Variants in PARD3B observed in about 807,000 individuals in gnomAD.
PARD3B encodes the protein partitioning defective 3 homolog B.
PARD3B carries 103 observed loss-of-function variants against 130.2 expected under a neutral mutation model. The ratio of observed to expected loss-of-function variants is 0.79; its 90% confidence interval spans 0.67 to 0.93. PARD3B has a LOEUF of 0.93. Ranked by LOEUF, PARD3B falls within the 40% of genes least tolerant of loss-of-function variation. The pLI, the probability that PARD3B is intolerant of heterozygous loss-of-function variation, is 0.00. For synonymous variants in PARD3B, 583 were observed against 553.2 expected (o/e 1.05, Z -0.76); for missense variants, 1,609 against 1,499.2 (o/e 1.07, Z -1.21).
chr2:204,745,931 A>T (rs1203509936), intron 2 of PARD3B, among the ~76,000 whole-genome samples: 1 of 151,856 alleles, frequency 6.6e-6, no homozygotes, highest in East Asian at 1.9e-4. Flanking sequence ...CCTTAATTTA[A>T]AAAAAGGGCG....
At chr2:205,503,975 T>G (rs911388566) in intron 21 of PARD3B, among the ~76,000 whole-genome samples, 13 of 152,190 alleles carry the variant, frequency 8.5e-5, no homozygotes, top group Non-Finnish European at 1.8e-4. Flanking sequence ...GCTCTCTGTT[T>G]GTCTGTTATT....
chr2:204,555,191 G>T (rs2125047979), intron 1 of PARD3B, among the ~76,000 whole-genome samples: 1 of 152,260 alleles, frequency 6.6e-6, no homozygotes, highest in East Asian at 1.9e-4. Context: ...GCTTGTGCCT[G>T]GTTTCCTGCA....
chr2:204,644,155 C>G (rs1022323052), intron 1 of PARD3B, among the ~76,000 whole-genome samples: 12 of 152,140 alleles, frequency 7.9e-5, no homozygotes, highest in African/African-American at 2.7e-4. Context: ...GCCCAGTGAC[C>G]TTTTCCACCC....
chr2:205,371,750 T>G (rs575123924), intron 18 of PARD3B, among the ~76,000 whole-genome samples: 1 of 152,318 alleles, frequency 6.6e-6, no homozygotes, highest in Admixed American at 6.5e-5. Context: ...TTCAACCGTT[T>G]GAAGTGTAGA....
rs1335120059 is a variant in PARD3B, at chr2:205,572,039, T to C, written c.3260+18636T>C. Among the ~76,000 whole-genome samples, 1 of 152,170 alleles carries C rather than the reference T, an allele frequency of 6.6e-6. No individual in the cohort carries two copies. The highest frequency in any genetic ancestry group is 2.4e-5 in the African/African-American group (1 of 41,454). ...GCAGTCGAGCTGTGGAGTTATTTTGTTTATTGTTCTGAAGTTCTATGAGCA... is the reference window on the plus strand; with the variant it reads ...GCAGTCGAGCTGTGGAGTTATTTTGCTTATTGTTCTGAAGTTCTATGAGCA... On this transcript the variant is annotated intron_variant, in intron 22 of 22. Coordinates refer to ENST00000406610, the MANE Select transcript of PARD3B (RefSeq NM_001302769.2). The surrounding 1 kb of genome is among the most constrained non-coding windows in gnomAD (Gnocchi z 4.2).
intron 3 of PARD3B, among the ~76,000 whole-genome samples, chr2:205,044,045 G>A (rs1168939864): frequency 6.6e-6 from 1 of 150,540 alleles, no homozygotes; most frequent in East Asian, 2.0e-4. Context: ...CTATGAGTGA[G>A]AATATGCAGT....
At chr2:205,155,137 A>C (rs536212845) in intron 10 of PARD3B, among the ~76,000 whole-genome samples, 1 of 152,160 alleles carries the variant, frequency 6.6e-6, no homozygotes, top group African/African-American at 2.4e-5. Flanking sequence ...TAGTTCTTGA[A>C]TTTTGTTTGT....
intron 1 of PARD3B, among the ~76,000 whole-genome samples, chr2:204,551,412 G>T (rs2030449214): frequency 6.6e-6 from 1 of 152,138 alleles, no homozygotes; most frequent in Admixed American, 6.5e-5. Context: ...CTAACAGTGA[G>T]GATAAGTTAT....
chr2:204,995,369 G>A (rs1300450228), intron 3 of PARD3B, among the ~76,000 whole-genome samples: 3 of 146,462 alleles, frequency 2.0e-5, no homozygotes, highest in African/African-American at 7.6e-5. Flanking sequence ...TGAAATTCTG[G>A]GTTGAAAATT....
At chr2:205,235,691 A>G (rs901179944) in intron 15 of PARD3B, among the ~76,000 whole-genome samples, 1 of 152,246 alleles carries the variant, frequency 6.6e-6, no homozygotes, top group African/African-American at 2.4e-5. Context: ...ACAAGATTTC[A>G]TCACACTACT....
intron 22 of PARD3B, among the ~76,000 whole-genome samples, chr2:205,598,727 T>C (rs1421474467): frequency 6.6e-6 from 1 of 152,072 alleles, no homozygotes; most frequent in Non-Finnish European, 1.5e-5. Flanking sequence ...ATAAAGCAAA[T>C]CTGAATACAT....
chr2:204,647,252 G>C (rs2125162677), intron 1 of PARD3B, among the ~76,000 whole-genome samples: 1 of 151,864 alleles, frequency 6.6e-6, no homozygotes, highest in Non-Finnish European at 1.5e-5. Flanking sequence ...ATTCTTTTCT[G>C]TAAAGTATTT....
chr2:204,800,515 G>T (rs1475495852), intron 2 of PARD3B, among the ~76,000 whole-genome samples: 2 of 152,012 alleles, frequency 1.3e-5, no homozygotes, highest in African/African-American at 2.4e-5. Flanking sequence ...ATATATCAGG[G>T]TTTAAGTACA....
At chr2:205,026,674 C>T (rs1440779004) in intron 3 of PARD3B, among the ~76,000 whole-genome samples, 1 of 152,184 alleles carries the variant, frequency 6.6e-6, no homozygotes, top group Non-Finnish European at 1.5e-5. Flanking sequence ...TGACCAACTT[C>T]TCAACACTTC....
intron 15 of PARD3B, among the ~76,000 whole-genome samples, chr2:205,238,773 A>G (rs569619161): frequency 6.8e-4 from 99 of 145,182 alleles, no homozygotes; most frequent in African/African-American, 2.3e-3. Flanking sequence ...CAGAGGTTGC[A>G]GTGAGCCAAG....
chr2:204,682,019 A>G (rs185382809), intron 1 of PARD3B, among the ~76,000 whole-genome samples: 1 of 152,284 alleles, frequency 6.6e-6, no homozygotes, highest in East Asian at 1.9e-4. Flanking sequence ...AGCATGGGAC[A>G]GACCCACTTA....
chr2:205,449,025 G>A (rs1187158180), intron 20 of PARD3B, among the ~76,000 whole-genome samples: 2 of 151,780 alleles, frequency 1.3e-5, no homozygotes, highest in African/African-American at 4.8e-5. Flanking sequence ...AATTAGCTGG[G>A]CGTGGTGGCC....
intron 22 of PARD3B, among the ~76,000 whole-genome samples, chr2:205,613,278 A>C (rs2105799239): frequency 6.6e-6 from 1 of 152,304 alleles, no homozygotes; most frequent in African/African-American, 2.4e-5. Flanking sequence ...GTGCAGAAAA[A>C]CCACATGTTT....
chr2:205,496,120 A>G (rs1003996898), intron 20 of PARD3B, among the ~76,000 whole-genome samples: 1 of 152,202 alleles, frequency 6.6e-6, no homozygotes, highest in Non-Finnish European at 1.5e-5. Context: ...TCAATAAATT[A>G]TAACCATTAT....
Sources: gnomAD v4.1 joint callset for allele counts (sites outside exome capture counted in the v4.1 genomes callset) on GRCh38, gnomAD v4.1.1 for gene constraint, Gnocchi (gnomAD v3.1) non-coding constraint, MANE v1.5 for transcripts, NCBI Gene and HGNC (gene_info 2026-07-23, HGNC 2026-07-21) for gene names.